Variants in DMTF1 observed in about 807,000 individuals in gnomAD.
DMTF1 encodes cyclin D binding myb like transcription factor 1.
Under a neutral mutation model 91.1 loss-of-function variants are expected in DMTF1, and 39 were observed. The observed-to-expected ratio is 0.43, with a 90% CI of 0.33 to 0.56. The LOEUF is 0.56. DMTF1 is among the 20% of genes least tolerant of loss of function. DMTF1 has a pLI of 0.05. For synonymous variants in DMTF1, 338 were observed against 309.5 expected (o/e 1.09, Z -0.97); for missense variants, 750 against 914.5 (o/e 0.82, Z 2.32).
intron 5 of DMTF1, among the ~76,000 whole-genome samples, chr7:87,172,789 A>G (rs922224801): frequency 6.6e-6 from 1 of 152,168 alleles, no homozygotes; most frequent in Non-Finnish European, 1.5e-5. Flanking sequence ...GCCAGGGTCA[A>G]CTCTGCCGAA....
chr7:87,176,494 AGT>A (rs1402927290), intron 7 of DMTF1, among the ~76,000 whole-genome samples: 2 of 152,172 alleles, frequency 1.3e-5, no homozygotes, highest in Non-Finnish European at 2.9e-5. Context: ...AATGGGCAGG[AGT>A]GTGAGTAGGA....
At position 87,185,964 on chromosome 7, in the gene DMTF1, G is replaced by C; in HGVS notation, c.1185G>C (p.Lys395Asn). 6.2e-7 allele frequency: 1 copy of C among 1,613,722 alleles called. No individual in the cohort carries two copies. ...TCAAAAGGCAAATTGCAAACCATAA[G>C]GATGTTTCGTTCCCTGGTAATGTAT... ...WTIKRQIANH[K>N]DVSFPVLIKG... The change falls in exon 12 of 18, where the codon AAG (lysine) becomes AAC (asparagine). Residue 395 changes from lysine to asparagine, a missense_variant. This residue lies in a region of DMTF1 where 190 missense variants were observed against 343.8 expected (regional missense o/e 0.55). Transcript: ENST00000331242.
chr7:87,165,648 CTT>C (rs1793663011), intron 3 of DMTF1, among the ~76,000 whole-genome samples: 1 of 152,154 alleles, frequency 6.6e-6, no homozygotes, highest in Non-Finnish European at 1.5e-5. Flanking sequence ...CAGAATCTGT[CTT>C]TATACAGAAT....
In DMTF1 at chr7:87,195,152, GA is replaced by G; in HGVS notation, c.*15del. On this transcript the variant is annotated 3_prime_UTR_variant, in exon 18 of 18. Transcript: ENST00000331242. Reference sequence around the variant, plus strand: ...TAAACTGTCATTAGAATAATTCTTAGAAATAGGCAGTTCAAGCAAAGAAGGC... The same window carrying G: ...TAAACTGTCATTAGAATAATTCTTAGAATAGGCAGTTCAAGCAAAGAAGGC... 6.3e-7 allele frequency: 1 copy of G among 1,576,722 alleles called. No individual in the cohort carries two copies. The highest frequency in any genetic ancestry group is 2.2e-5 in the East Asian group (1 of 44,558).
chr7:87,190,609 T>G (rs1554352895), intron 13 of DMTF1, among the ~76,000 whole-genome samples: 2 of 152,094 alleles, frequency 1.3e-5, no homozygotes, highest in Non-Finnish European at 2.9e-5. Context: ...TTCTGGTGTC[T>G]GTCACAGGTA....
At chr7:87,186,036 T>C in intron 12 of DMTF1, 56 bp downstream of exon 12, 1 of 1,581,578 alleles carries the variant, frequency 6.3e-7, no homozygotes, top group Non-Finnish European at 8.7e-7. Flanking sequence ...ATTTACTCCT[T>C]AGGAGTGAGA....
Position 87,164,980 on chromosome 7 carries a change from A to G in DMTF1, c.39A>G (p.Val13=). ...AAGAGGATTCTGACACAGTAACAGT[A>G]GAAACTGTGAACTCTGTGACTTTGA... ...TVEEDSDTVT[V]ETVNSVTLTQ... Residue 13 remains valine, a synonymous_variant, in exon 3 of 18, where the codon GTA becomes GTG. Transcript: ENST00000331242. 6.2e-7 allele frequency: 1 copy of G among 1,610,024 alleles called. No individual in the cohort carries two copies. Among genetic ancestry groups the G allele is most frequent in the Non-Finnish European group, 8.5e-7 (1 of 1,178,018 alleles).
At chr7:87,169,693 G>A (rs1455133143) in intron 4 of DMTF1, among the ~76,000 whole-genome samples, 1 of 152,026 alleles carries the variant, frequency 6.6e-6, no homozygotes, top group Non-Finnish European at 1.5e-5. Context: ...TGCGTTACTT[G>A]ATCTGTTGGC....
At chr7:87,172,822 G>A (rs1795390934) in intron 5 of DMTF1, among the ~76,000 whole-genome samples, 1 of 152,230 alleles carries the variant, frequency 6.6e-6, no homozygotes. Context: ...CCCCTACAGG[G>A]TTTGTTAGAT....
intron 13 of DMTF1, 126 bp downstream of exon 13, chr7:87,188,427 T>A: frequency 2.1e-6 from 2 of 949,102 alleles, no homozygotes; most frequent in Non-Finnish European, 3.2e-6. Flanking sequence ...GAAGGACATC[T>A]AAGATATTTT....
chr7:87,181,880 G>A (rs990374651), intron 9 of DMTF1: 2 of 507,592 alleles, frequency 3.9e-6, no homozygotes, highest in Middle Eastern at 3.8e-4. Context: ...AACTTTAGAT[G>A]TCTAAAGAAG....
intron 1 of DMTF1, among the ~76,000 whole-genome samples, chr7:87,158,788 T>C (rs143529010): frequency 1.3e-4 from 20 of 152,190 alleles, no homozygotes; most frequent in African/African-American, 4.6e-4. Flanking sequence ...ATTTATAGGG[T>C]ATAAAACTTA....
At chr7:87,181,118 G>A (rs1797277401) in intron 8 of DMTF1, 191 bp from the exon 9 acceptor site, 1 of 322,558 alleles carries the variant, frequency 3.1e-6, no homozygotes, top group South Asian at 3.9e-5. Flanking sequence ...CCAAAGTGCT[G>A]GGATTATAGG....
chr7:87,162,644 A>T (rs1454641626), intron 1 of DMTF1, among the ~76,000 whole-genome samples: 2 of 152,156 alleles, frequency 1.3e-5, no homozygotes, highest in Non-Finnish European at 2.9e-5. Context: ...TTAAAAAATT[A>T]ATGGATTCAG....
Position 87,165,077 on chromosome 7 carries a change from C to G in DMTF1, c.109+27C>G, listed in dbSNP as rs117293212. 4.2e-3 allele frequency: 6,396 copies of G among 1,514,744 alleles called. 23 individuals carry two copies. Among genetic ancestry groups the G allele is most frequent in the Admixed American group, 6.7e-3 (379 of 56,856 alleles). 93.8% of individuals were successfully genotyped at this position (1,514,744 alleles called of 1,614,324 possible). ...TAGGAGAACTTGCTGACATATAATT[C>G]TGACTCTCTGAATTTATGAATTCCA... On this transcript the variant is annotated intron_variant, in intron 3 of 17. Coordinates refer to ENST00000331242, the MANE Select transcript of DMTF1 (RefSeq NM_001142327.2).
chr7:87,182,261 A>G lies in DMTF1; in HGVS notation c.744A>G (p.Thr248=), dbSNP rs755162430. 1.9e-6 allele frequency: 3 copies of G among 1,614,138 alleles called. No individual in the cohort carries two copies. The highest frequency in any genetic ancestry group is 2.5e-6 in the Non-Finnish European group (3 of 1,179,996). Residue 248 remains threonine (T), a synonymous_variant, in exon 10 of 18, where the codon ACA becomes ACG. Transcript: ENST00000331242. Reference sequence around the variant, plus strand: ...TAAAGCATGGCAATGACTGGGCAACAATAGGGGCGGCGCTAGGAAGAAGTG... The same window carrying G: ...TAAAGCATGGCAATGACTGGGCAACGATAGGGGCGGCGCTAGGAAGAAGTG... ...LRIKHGNDWA[T]IGAALGRSAS...
chr7:87,194,340 A>G lies in DMTF1; in HGVS notation c.2028+238A>G. ...CACTAAAACTTTTTCCTCTTTACCT[A>G]CAATACATTGAGAAATGTTTGTTAG... On this transcript the variant is annotated intron_variant, in intron 16 of 17. Coordinates refer to ENST00000331242, the MANE Select transcript of DMTF1 (RefSeq NM_001142327.2). The G allele has an allele frequency of 1.0e-5, 5 of 490,408 alleles. No homozygotes were observed. The South Asian group carries it at 1.6e-4, about 15-fold the overall frequency. The allele number at this position is 490,408 out of a possible 1,614,324, so 30.4% of individuals were successfully genotyped here. A position where few individuals can be genotyped will look rare whatever the true frequency, so the allele number is the denominator to read the frequency against.
At chr7:87,185,000 G>A in intron 11 of DMTF1, 1 of 412,332 alleles carries the variant, frequency 2.4e-6, no homozygotes, top group Non-Finnish European at 4.8e-6. Context: ...CAGTCTCCAT[G>A]CCCTTCAATC....
chr7:87,194,624 G>T, intron 16 of DMTF1, 60 bp from the exon 17 acceptor site: 2 of 1,297,728 alleles, frequency 1.5e-6, no homozygotes, highest in Non-Finnish European at 1.1e-6. Flanking sequence ...ACCTATACAT[G>T]GGATTTTAAG....
Sources: gnomAD v4.1 joint callset for allele counts (sites outside exome capture counted in the v4.1 genomes callset) on GRCh38, gnomAD v4.1.1 for gene constraint, gnomAD v4.1.1 regional missense constraint, MANE v1.5 for transcripts, NCBI Gene and HGNC (gene_info 2026-07-23, HGNC 2026-07-21) for gene names.